RSPH14: variants seen among roughly 807,000 people sequenced by gnomAD.
The protein encoded by RSPH14 is radial spoke head 14 homolog.
In RSPH14, 20 loss-of-function variants were observed where a neutral mutation model predicts 26.7. The ratio of observed to expected loss-of-function variants is 0.75; its 90% CI spans 0.53 to 1.09. RSPH14 has a LOEUF of 1.09. RSPH14 is among the 50% of genes least tolerant of loss of function. The probability of loss-of-function intolerance (pLI) is 0.00; values close to 1 mark genes in which losing one functional copy is unlikely to be tolerated. For synonymous variants in RSPH14, 177 were observed against 189.3 expected (o/e 0.93, Z 0.53); for missense variants, 449 against 457.2 (o/e 0.98, Z 0.16).
In RSPH14 at chr22:23,121,043, G is replaced by C. The variant is rs924344451; in HGVS notation, c.421+12983C>G. ...ATTAGAGCTAATTACTCCCTCAGCA[G>C]AATGTGACATTCCTAGACCACCACT... On this transcript the variant is annotated intron_variant, in intron 4 of 6. Coordinates refer to ENST00000216036, the MANE Select transcript of RSPH14 (RefSeq NM_014433.3). 2.6e-5 allele frequency among the ~76,000 whole-genome samples: 4 copies of C among 152,314 alleles called. No individual in the cohort carries two copies. In the Middle Eastern group the frequency reaches 0.01, roughly 389 times the overall value.
At chr22:23,159,834 T>G in the RSPH14 span, among the ~76,000 whole-genome samples, 5 of 152,226 alleles carry the variant, frequency 3.3e-5, no homozygotes, top group South Asian at 1.0e-3. Flanking sequence ...CTGGCCATAC[T>G]GGGTCCCCAG....
At chr22:23,138,594 A>C (rs943120905) in intron 3 of RSPH14, among the ~76,000 whole-genome samples, 19 of 152,078 alleles carry the variant, frequency 1.2e-4, no homozygotes, top group African/African-American at 4.3e-4. Flanking sequence ...AGAGAGAGAG[A>C]GCGCTCAGAG....
chr22:23,090,047 C>T (rs6003502), intron 4 of RSPH14, among the ~76,000 whole-genome samples: 52,304 of 151,964 alleles, frequency 0.34, 9,836 homozygotes, highest in African/African-American at 0.51. Context: ...ACACCCTTCA[C>T]GCTGCAAACA....
intron 4 of RSPH14, among the ~76,000 whole-genome samples, chr22:23,118,145 A>T (rs1286147622): frequency 1.3e-5 from 2 of 152,208 alleles, no homozygotes; most frequent in Non-Finnish European, 2.9e-5. Flanking sequence ...CTGTCTGAGC[A>T]GGAGCTCTCT....
chr22:23,106,207 G>A (rs1442608824), intron 4 of RSPH14, among the ~76,000 whole-genome samples: 1 of 152,234 alleles, frequency 6.6e-6, no homozygotes, highest in Non-Finnish European at 1.5e-5. Context: ...CTAAGACCCT[G>A]CAAGTCAGTG....
At chr22:23,103,504 G>A (rs1354442661) in intron 4 of RSPH14, among the ~76,000 whole-genome samples, 7 of 152,062 alleles carry the variant, frequency 4.6e-5, no homozygotes, top group South Asian at 2.1e-4. Context: ...CCCTGTGGCC[G>A]CGTGGGTTGC....
chr22:23,152,579 T>C, the RSPH14 span: 27 of 1,549,322 alleles, frequency 1.7e-5, no homozygotes, highest in Non-Finnish European at 1.2e-5. Context: ...CAGGTTGTCA[T>C]ACCTTTGCCT....
At chr22:23,078,483 AC>A (rs1033929977) in intron 4 of RSPH14, among the ~76,000 whole-genome samples, 68 of 147,372 alleles carry the variant, frequency 4.6e-4, no homozygotes, top group African/African-American at 1.6e-3. Context: ...CCACACTGAC[AC>A]CCCCATCTCT....
intron 6 of RSPH14, 54 bp downstream of exon 6, chr22:23,061,755 A>C (rs574436787): frequency 6.2e-7 from 1 of 1,606,832 alleles, no homozygotes; most frequent in South Asian, 1.1e-5. Context: ...AAAGCTCATC[A>C]CGGCTGCTAG....
the RSPH14 span, among the ~76,000 whole-genome samples, chr22:23,168,516 C>G: frequency 6.6e-6 from 1 of 152,290 alleles, no homozygotes; most frequent in Admixed American, 6.5e-5. Context: ...ACACAGACAC[C>G]TGCCGCTTCA....
intron 4 of RSPH14, among the ~76,000 whole-genome samples, chr22:23,101,620 T>C (rs1276900383): frequency 6.6e-6 from 1 of 152,236 alleles, no homozygotes; most frequent in Non-Finnish European, 1.5e-5. Context: ...TGCCGCCCTT[T>C]TCCCGACACA....
chr22:23,149,125 C>T (rs1184708976), upstream of RSPH14, among the ~76,000 whole-genome samples: 6 of 148,756 alleles, frequency 4.0e-5, no homozygotes, highest in South Asian at 6.3e-4. Flanking sequence ...TGAGACACTG[C>T]GGCTGAGGGA....
chr22:23,156,147 C>A, the RSPH14 span: 1,785 of 869,806 alleles, frequency 2.1e-3, 4 homozygotes, highest in African/African-American at 5.2e-3. Flanking sequence ...TCCTCCAAGA[C>A]CCACTGAGAA....
At chr22:23,129,660 G>A (rs1313421073) in intron 4 of RSPH14, among the ~76,000 whole-genome samples, 3 of 152,124 alleles carry the variant, frequency 2.0e-5, no homozygotes, top group Admixed American at 1.3e-4. Flanking sequence ...GGTGGCTCAC[G>A]CCTGTAATCC....
intron 4 of RSPH14, among the ~76,000 whole-genome samples, chr22:23,066,618 G>A (rs536971354): frequency 4.3e-4 from 66 of 152,340 alleles, no homozygotes; most frequent in African/African-American, 1.6e-3. Context: ...TCAGCTAAAA[G>A]AAGAGTCTCG....
chr22:23,113,723 G>A (rs1319976798), intron 4 of RSPH14, among the ~76,000 whole-genome samples: 1 of 152,122 alleles, frequency 6.6e-6, no homozygotes, highest in African/African-American at 2.4e-5. Flanking sequence ...GGGCCCACTC[G>A]CCCTCTCCCC....
At chr22:23,088,989 A>G (rs1354061162) in intron 4 of RSPH14, among the ~76,000 whole-genome samples, 3 of 152,074 alleles carry the variant, frequency 2.0e-5, no homozygotes, top group African/African-American at 7.2e-5. Context: ...AGCCTAAACT[A>G]TCTCCCTGGG....
the RSPH14 span, chr22:23,180,479 A>G: frequency 6.0e-6 from 1 of 165,736 alleles, no homozygotes; most frequent in East Asian, 1.3e-4. Context: ...CGCCGCGGCC[A>G]CCTCCCCCCG....
chr22:23,104,111 G>T (rs1189943225), intron 4 of RSPH14, among the ~76,000 whole-genome samples: 2 of 151,992 alleles, frequency 1.3e-5, no homozygotes, highest in Non-Finnish European at 2.9e-5. Context: ...AGGCTGTGGG[G>T]GAGCAGTGGG....
Sources: allele counts gnomAD v4.1 joint callset (sites outside exome capture counted in the v4.1 genomes callset), GRCh38; gene constraint gnomAD v4.1.1; transcripts MANE v1.5; gene names NCBI Gene and HGNC (gene_info 2026-07-23, HGNC 2026-07-21).